The following NRG3 variants were observed in gnomAD, a reference collection of about 807,000 sequenced individuals.
NRG3 encodes the protein pro-neuregulin-3, membrane-bound isoform.
A neutral mutation model predicts 66.9 loss-of-function variants in NRG3; 31 were observed. That is an observed-to-expected ratio of 0.46 (90% confidence interval 0.35 to 0.63). The LOEUF (loss-of-function observed/expected upper bound fraction) is 0.63, where lower values mean the gene tolerates loss of function less well. Ranked by LOEUF, NRG3 falls within the 20% of genes least tolerant of loss-of-function variation. NRG3 has a pLI of 0.00. For synonymous variants in NRG3, 393 were observed against 359.4 expected, an observed-to-expected ratio of 1.09 and a Z score of -1.06; for missense variants, 910 against 878.9, an observed-to-expected ratio of 1.04 and a Z score of -0.45.
In NRG3 at chr10:82,134,530, G is replaced by C. The variant is rs59149782; in HGVS notation, c.824-224209G>C. ...TTGAATAGAGAGTCTTTTCCCCATT[G>C]CTTGTTTTTGTCAGCTGTGTTGAAG... On this transcript the variant is annotated intron_variant, in intron 1 of 8. Coordinates refer to ENST00000372141, the MANE Select transcript of NRG3 (RefSeq NM_001010848.4). Among the ~76,000 whole-genome samples, 634 of 152,162 alleles carry C rather than the reference G, an allele frequency of 4.2e-3. 5 individuals carry two copies. Among genetic ancestry groups the C allele is most frequent in the African/African-American group, 0.015 (610 of 41,538 alleles).
chr10:82,167,279 T>C (rs2072158533), intron 1 of NRG3, among the ~76,000 whole-genome samples: 4 of 152,094 alleles, frequency 2.6e-5, no homozygotes, highest in Non-Finnish European at 5.9e-5. Context: ...TGGCATGCAA[T>C]TAATTTACTT....
chr10:82,432,398 C>T (rs2089875794), intron 2 of NRG3, among the ~76,000 whole-genome samples: 7 of 151,532 alleles, frequency 4.6e-5, no homozygotes, highest in Admixed American at 4.0e-4. Context: ...CCTTCAGTTC[C>T]ATCCATGTTG....
At position 82,973,534 on chromosome 10, in the gene NRG3, A is replaced by G. The variant is rs546943025; in HGVS notation, c.1285-254A>G. Among the ~76,000 whole-genome samples the G allele has an allele frequency of 1.2e-3, 178 of 152,296 alleles. 1 individual carries two copies. The highest frequency in any genetic ancestry group is 2.2e-3 in the Non-Finnish European group (152 of 68,014). On this transcript the variant is annotated intron_variant, in intron 6 of 8. Transcript: ENST00000372141. The stretch of plus-strand genomic sequence containing the variant: ...ATGGGTGTGCATTAATTAAAATGAG[A>G]TAGCAGGCTTGGGATGCTGACATGA...
intron 1 of NRG3, among the ~76,000 whole-genome samples, chr10:82,162,671 T>C (rs1381854723): frequency 6.6e-6 from 1 of 152,166 alleles, no homozygotes; most frequent in Non-Finnish European, 1.5e-5. Context: ...TCATCATTAC[T>C]GGCAGAGAAA....
chr10:82,803,588 A>G (rs924425940), intron 3 of NRG3, among the ~76,000 whole-genome samples: 6 of 152,140 alleles, frequency 3.9e-5, no homozygotes, highest in African/African-American at 1.4e-4. Flanking sequence ...TTTTGACTTT[A>G]TGAGAGAATC....
At chr10:82,464,328 A>G (rs891523718) in intron 2 of NRG3, among the ~76,000 whole-genome samples, 5 of 152,112 alleles carry the variant, frequency 3.3e-5, no homozygotes, top group African/African-American at 4.8e-5. Flanking sequence ...CCACTTTTCA[A>G]TTTCTGACAC....
chr10:82,379,911 A>C (rs1267212823), intron 2 of NRG3, among the ~76,000 whole-genome samples: 1 of 73,914 alleles, frequency 1.4e-5, no homozygotes. Flanking sequence ...TGAACAATCC[A>C]AAAAAAAAAA....
At chr10:82,253,839 T>G (rs1255050456) in intron 1 of NRG3, among the ~76,000 whole-genome samples, 2 of 152,354 alleles carry the variant, frequency 1.3e-5, no homozygotes, top group Non-Finnish European at 2.9e-5. Context: ...CATTCTTGCA[T>G]ACAATAATCC....
intron 1 of NRG3, among the ~76,000 whole-genome samples, chr10:82,219,136 A>C (rs1294989733): frequency 1.3e-5 from 2 of 151,596 alleles, no homozygotes; most frequent in African/African-American, 4.9e-5. Flanking sequence ...GCCATCAGTA[A>C]CACATTTGTT....
intron 2 of NRG3, among the ~76,000 whole-genome samples, chr10:82,604,809 C>CT (rs1168346301): frequency 6.6e-6 from 1 of 151,980 alleles, no homozygotes; most frequent in Non-Finnish European, 1.5e-5. Flanking sequence ...ATTTCTTTTT[C>CT]TTTTTTAATT....
At chr10:82,792,295 G>A (rs1226712394) in intron 3 of NRG3, among the ~76,000 whole-genome samples, 3 of 152,116 alleles carry the variant, frequency 2.0e-5, no homozygotes, top group Non-Finnish European at 4.4e-5. Context: ...CTTCTTCATT[G>A]ATAGGTCTTA....
At chr10:82,113,187 A>G (rs921550332) in intron 1 of NRG3, among the ~76,000 whole-genome samples, 1 of 152,172 alleles carries the variant, frequency 6.6e-6, no homozygotes, top group African/African-American at 2.4e-5. Context: ...AATGCTTTTC[A>G]TGTGTTATCT....
chr10:82,704,897 G>T (rs2056170505), intron 2 of NRG3, among the ~76,000 whole-genome samples: 1 of 152,148 alleles, frequency 6.6e-6, no homozygotes, highest in Admixed American at 6.6e-5. Context: ...CTTTGTAAAA[G>T]AATATGCTCA....
intron 2 of NRG3, among the ~76,000 whole-genome samples, chr10:82,691,146 A>T (rs948509394): frequency 6.6e-6 from 1 of 152,168 alleles, no homozygotes; most frequent in Non-Finnish European, 1.5e-5. Context: ...AAACAGCTGG[A>T]TTCTAGAAAA....
chr10:82,235,000 T>C (rs894152132), intron 1 of NRG3, among the ~76,000 whole-genome samples: 4 of 152,238 alleles, frequency 2.6e-5, no homozygotes, highest in South Asian at 2.1e-4. Context: ...TTACAACTGC[T>C]CTCTCCAATA....
At chr10:82,006,925 A>G (rs2061394581) in intron 1 of NRG3, among the ~76,000 whole-genome samples, 1 of 152,178 alleles carries the variant, frequency 6.6e-6, no homozygotes. Flanking sequence ...TAACTTTTCC[A>G]TGTATATTTT....
At chr10:82,592,726 A>T (rs947804497) in intron 2 of NRG3, among the ~76,000 whole-genome samples, 1 of 152,076 alleles carries the variant, frequency 6.6e-6, no homozygotes, top group Non-Finnish European at 1.5e-5. Flanking sequence ...TGTTCAGCTG[A>T]GCTTGTGGAG....
intron 2 of NRG3, among the ~76,000 whole-genome samples, chr10:82,427,856 G>A (rs1323014822): frequency 6.6e-6 from 1 of 151,774 alleles, no homozygotes; most frequent in African/African-American, 2.4e-5. Context: ...TATTGTAGGA[G>A]GTTTTAAAAT....
intron 1 of NRG3, among the ~76,000 whole-genome samples, chr10:82,278,052 A>T (rs560599529): frequency 6.6e-6 from 1 of 152,236 alleles, no homozygotes; most frequent in East Asian, 1.9e-4. Context: ...AGGAGGTGGA[A>T]TTCCCTTACC....
Sources: gnomAD v4.1 joint callset for allele counts (sites outside exome capture counted in the v4.1 genomes callset) on GRCh38, gnomAD v4.1.1 for gene constraint, MANE v1.5 for transcripts, NCBI Gene and HGNC (gene_info 2026-07-23, HGNC 2026-07-21) for gene names.